The following CDC23 variants were observed in gnomAD, a reference collection of about 807,000 sequenced individuals.
CDC23 encodes cell division cycle 23, also known as cell division cycle protein 23 homolog.
A neutral mutation model predicts 81.7 loss-of-function variants in CDC23; 26 were observed. The observed-to-expected ratio is 0.32, with a 90% CI of 0.23 to 0.44. CDC23 has a LOEUF of 0.44. Among genes scored for constraint, CDC23 ranks in the 20% least tolerant of loss-of-function variants. The probability of loss-of-function intolerance (pLI) is 1.00; values close to 1 mark genes in which losing one functional copy is unlikely to be tolerated. For missense variants in CDC23, 519 were observed against 728.0 expected (o/e 0.71, Z 3.30); for synonymous variants, 267 against 270.8 (o/e 0.99, Z 0.14).
At chr5:138,203,827 C>T (rs1755017335) in intron 3 of CDC23, among the ~76,000 whole-genome samples, 1 of 152,028 alleles carries the variant, frequency 6.6e-6, no homozygotes, top group Non-Finnish European at 1.5e-5. Flanking sequence ...GCTAGAGAAT[C>T]GCTTGAACCT....
intron 9 of CDC23, 75 bp downstream of exon 9, chr5:138,198,124 T>G (rs915954580): frequency 1.6e-5 from 18 of 1,119,274 alleles, no homozygotes; most frequent in Middle Eastern, 5.8e-4. Context: ...CATCCCTAGC[T>G]AATTGTGGTT....
At chr5:138,195,722 G>GCA (rs1561634111) in intron 9 of CDC23, among the ~76,000 whole-genome samples, 2 of 52,434 alleles carry the variant, frequency 3.8e-5, no homozygotes, top group African/African-American at 1.2e-4. Flanking sequence ...TAATATATAT[G>GCA]TATATATATA....
chr5:138,195,527 AT>A (rs1754875890), intron 9 of CDC23, among the ~76,000 whole-genome samples: 1 of 120,546 alleles, frequency 8.3e-6, no homozygotes, highest in East Asian at 2.1e-4. Flanking sequence ...ATATATATAA[AT>A]TATATATATT....
intron 6 of CDC23, among the ~76,000 whole-genome samples, chr5:138,200,256 C>T (rs959946668): frequency 6.6e-6 from 1 of 152,064 alleles, no homozygotes; most frequent in African/African-American, 2.4e-5. Flanking sequence ...CTCAGCCTCC[C>T]GAGTAGCTGG....
intron 9 of CDC23, 128 bp downstream of exon 9, chr5:138,198,071 C>T (rs1467866381): frequency 1.5e-5 from 10 of 676,870 alleles, no homozygotes; most frequent in Non-Finnish European, 2.2e-5. Context: ...GCGATCCTCC[C>T]GCCTCAGTCT....
At chr5:138,210,395 A>ATG in intron 2 of CDC23, among the ~76,000 whole-genome samples, 1 of 151,840 alleles carries the variant, frequency 6.6e-6, no homozygotes, top group East Asian at 1.9e-4. Context: ...GTGTGGTGGC[A>ATG]CACGCCTGTA....
intron 9 of CDC23, among the ~76,000 whole-genome samples, chr5:138,196,379 C>T (rs1754905805): frequency 6.6e-6 from 1 of 151,650 alleles, no homozygotes; most frequent in Non-Finnish European, 1.5e-5. Flanking sequence ...CAACCTCGGC[C>T]TCCTGGGTTC....
rs746694846 is a variant in CDC23, at chr5:138,189,767, C to G, written c.1504-15G>C. On this transcript the variant is annotated splice_polypyrimidine_tract_variant and intron_variant, in intron 14 of 15. Coordinates refer to ENST00000394886, the MANE Select transcript of CDC23 (RefSeq NM_004661.4). ...TCTACTATTTCCTAGAAAGGGAAAG[C>G]AAAATTACTGAGGTGACAGTAATAA... 6.8e-6 allele frequency: 11 copies of G among 1,613,068 alleles called. No individual in the cohort carries two copies. The highest frequency in any genetic ancestry group is 8.5e-6 in the Non-Finnish European group (10 of 1,179,310).
intron 13 of CDC23, among the ~76,000 whole-genome samples, chr5:138,191,096 A>C (rs1202032312): frequency 1.3e-5 from 2 of 152,148 alleles, no homozygotes; most frequent in Non-Finnish European, 2.9e-5. Context: ...GCCCTCCTTC[A>C]AGAGAAGTAG....
In CDC23 at chr5:138,188,410, CA is replaced by C. The variant is rs1754780831; in HGVS notation, c.*567del. 6.6e-6 allele frequency: 1 copy of C among 152,218 alleles called. No individual in the cohort carries two copies. Among genetic ancestry groups the C allele is most frequent in the South Asian group, 2.1e-4 (1 of 4,818 alleles). 9.4% of individuals were successfully genotyped at this position (152,218 alleles called of 1,614,324 possible). On this transcript the variant is annotated 3_prime_UTR_variant, in exon 16 of 16. Transcript: ENST00000394886. Reference sequence around the variant, plus strand: ...ATTTGAAAGCTTTAGAAGACCCCCCCAAAACTGTTTTGGAAGATTGTCTCCC... The same window carrying C: ...ATTTGAAAGCTTTAGAAGACCCCCCCAAACTGTTTTGGAAGATTGTCTCCC...
rs549125683 is a variant in CDC23 at position 138,212,403 on chromosome 5, TCGCCTCC to T, written c.234+581_234+587del. Among the ~76,000 whole-genome samples the T allele has an allele frequency of 2.0e-3, 307 of 152,242 alleles. 2 individuals carry two copies. Among genetic ancestry groups the T allele is most frequent in the African/African-American group, 6.9e-3 (288 of 41,550 alleles). On this transcript the variant is annotated intron_variant, in intron 2 of 15. Coordinates refer to ENST00000394886, the MANE Select transcript of CDC23 (RefSeq NM_004661.4). Reference sequence around the variant, plus strand: ...GCGCGATCTCAGCTCACTGCAACCTTCGCCTCCCGGGTTTAAGCGATTCTCCTGTCTC... The same window carrying T: ...GCGCGATCTCAGCTCACTGCAACCTTCGGGTTTAAGCGATTCTCCTGTCTC...
Position 138,201,175 on chromosome 5 carries a change from T to A in CDC23, c.586A>T (p.Thr196Ser), listed in dbSNP as rs1178713337. The change falls in exon 6 of 16, where the codon ACT (threonine) becomes TCT (serine). Residue 196 changes from threonine (T) to serine (S), a missense_variant. Physicochemically the swap from Thr to Ser is moderately conservative, Grantham distance 58. Around this residue, in one of 4 missense-constraint regions of CDC23, gnomAD observed 180 missense variants for 239.3 expected, o/e 0.75. Coordinates refer to ENST00000394886, the MANE Select transcript of CDC23 (RefSeq NM_004661.4). ...CCCCAATGCAAGGGCAAAACATGAG[T>A]AGCTTCCACAAACACATCAATGGCC... ...KEAIDVFVEA[T>S]HVLPLHWGAW... 2.5e-6 allele frequency: 4 copies of A among 1,614,004 alleles called. No homozygotes were observed. Among genetic ancestry groups the A allele is most frequent in the Non-Finnish European group, 3.4e-6 (4 of 1,180,018 alleles).
chr5:138,197,669 G>A (rs1044969344), intron 9 of CDC23, among the ~76,000 whole-genome samples: 2 of 150,830 alleles, frequency 1.3e-5, no homozygotes, highest in Admixed American at 6.6e-5. Context: ...GCTAATTTTT[G>A]GATTTTTAGT....
chr5:138,189,482 C>A (rs1754801357), intron 15 of CDC23, 151 bp downstream of exon 15: 1 of 756,724 alleles, frequency 1.3e-6, no homozygotes, highest in Non-Finnish European at 2.1e-6. Flanking sequence ...TGGTCTTGAA[C>A]TCCTGGACAC....
chr5:138,198,649 G>A lies in CDC23; in HGVS notation c.788C>T (p.Ser263Leu), dbSNP rs956453979. ...AACTGCAATTTGGGAAACAATATAC[G>A]AGCTCTTAGAGAAGCCCACATCAAT... The part of the protein sequence containing the change: ...NLIDVGFSKS[S>L]YIVSQIAVAY... The change falls in exon 7 of 16, where the codon TCG becomes TTG. Residue 263 changes from serine (S) to leucine (L), a missense_variant. Around this residue, in one of 4 missense-constraint regions of CDC23, gnomAD observed 180 missense variants for 239.3 expected, o/e 0.75. Transcript: ENST00000394886. 5 of 1,613,926 alleles carry A rather than the reference G, an allele frequency of 3.1e-6. No individual in the cohort carries two copies. The highest frequency in any genetic ancestry group is 2.7e-5 in the African/African-American group (2 of 74,880).
chr5:138,200,958 T>C (rs1391721454), intron 6 of CDC23, 149 bp downstream of exon 6: 9 of 746,512 alleles, frequency 1.2e-5, no homozygotes, highest in Non-Finnish European at 2.0e-5. Flanking sequence ...AACAAAGACT[T>C]ACTTCCAAAA....
Position 138,206,735 on chromosome 5 carries a change from T to G in CDC23, c.235-51A>C, listed in dbSNP as rs183821721. The G allele has an allele frequency of 1.2e-5, 19 of 1,527,598 alleles. No homozygotes were observed. In the Admixed American group the frequency reaches 3.1e-4, roughly 25 times the overall value. 94.6% of individuals were successfully genotyped at this position (1,527,598 alleles called of 1,614,324 possible). ...GTGGTTGGGAATAGGACAACAAAACTTCAAATCTAAAAAGTATATTCGTTA... is the reference window on the plus strand; with the variant it reads ...GTGGTTGGGAATAGGACAACAAAACGTCAAATCTAAAAAGTATATTCGTTA... On this transcript the variant is annotated intron_variant, in intron 2 of 15. Transcript: ENST00000394886.
chr5:138,201,541 C>A, intron 4 of CDC23, 93 bp from the exon 5 acceptor site: 1 of 892,078 alleles, frequency 1.1e-6, no homozygotes, highest in South Asian at 1.9e-5. Flanking sequence ...GAGACAGGGT[C>A]TCGCTATGTT....
chr5:138,211,660 C>CAA (rs1316881432), intron 2 of CDC23, among the ~76,000 whole-genome samples: 6 of 114,818 alleles, frequency 5.2e-5, no homozygotes, highest in Non-Finnish European at 7.3e-5. Flanking sequence ...GACTCCGTCT[C>CAA]AAAAAAAAAA....
Sources: allele counts gnomAD v4.1 joint callset (sites outside exome capture counted in the v4.1 genomes callset), GRCh38; gene constraint gnomAD v4.1.1; regional missense constraint gnomAD v4.1.1; transcripts MANE v1.5; gene names NCBI Gene and HGNC (gene_info 2026-07-23, HGNC 2026-07-21).